PLCE1: variants seen among roughly 807,000 people sequenced by gnomAD.
PLCE1 encodes the protein 1-phosphatidylinositol 4,5-bisphosphate phosphodiesterase epsilon-1.
Under a neutral mutation model 242.8 loss-of-function variants are expected in PLCE1, and 119 were observed. That is an observed-to-expected ratio of 0.49 (90% CI 0.42 to 0.57). The LOEUF is 0.57. Among genes scored for constraint, PLCE1 ranks in the 20% least tolerant of loss-of-function variants. PLCE1 has a pLI of 0.00. For synonymous variants in PLCE1, 945 were observed against 1,017.4 expected (o/e 0.93, Z 1.35); for missense variants, 2,441 against 2,788.8 (o/e 0.88, Z 2.81).
chr10:94,138,382 TG>T (rs2046851455), intron 3 of PLCE1: 5 of 400,624 alleles, frequency 1.2e-5, no homozygotes, highest in African/African-American at 2.1e-5. Context: ...TCCCAGGAAC[TG>T]GGGACCTATG....
rs531313054 is a variant in PLCE1 at position 94,031,564 on chromosome 10, T to C, written c.518T>C (p.Ile173Thr). 18 of 1,612,444 alleles carry C rather than the reference T, an allele frequency of 1.1e-5. No homozygotes were observed. In the African/African-American group the frequency reaches 1.9e-4, roughly 17 times the overall value. Residue 173 changes from isoleucine to threonine, a missense_variant, in exon 2 of 33, where the codon ATA becomes ACA. Around this residue, in one of 5 missense-constraint regions of PLCE1, gnomAD observed 393 missense variants for 378.5 expected, o/e 1.04. Transcript: ENST00000371380. ...CCTTTAGGAAATCAGTCAGTGATCATAGAGACAGGCAGAGCACACCCTGAC... is the reference window on the plus strand; with the variant it reads ...CCTTTAGGAAATCAGTCAGTGATCACAGAGACAGGCAGAGCACACCCTGAC... ...ISPLGNQSVI[I>T]ETGRAHPDSR...
At chr10:94,226,420 G>A (rs1808071687) in intron 4 of PLCE1, among the ~76,000 whole-genome samples, 1 of 152,122 alleles carries the variant, frequency 6.6e-6, no homozygotes, top group African/African-American at 2.4e-5. Flanking sequence ...GACAGTAACA[G>A]TCCCTGACTC....
chr10:94,146,146 C>T (rs753963515), intron 3 of PLCE1, among the ~76,000 whole-genome samples: 2 of 152,112 alleles, frequency 1.3e-5, no homozygotes, highest in Non-Finnish European at 2.9e-5. Flanking sequence ...GACCAATAGC[C>T]TGGAGGCACC....
intron 9 of PLCE1, 137 bp from the exon 10 acceptor site, chr10:94,254,053 A>G (rs1209767664): frequency 1.3e-6 from 1 of 763,118 alleles, no homozygotes; most frequent in African/African-American, 1.7e-5. Flanking sequence ...GTCAGCCTTA[A>G]TGTAGGTCTT....
chr10:94,253,357 T>G (rs531103575), intron 9 of PLCE1, among the ~76,000 whole-genome samples: 7 of 151,184 alleles, frequency 4.6e-5, no homozygotes, highest in Non-Finnish European at 1.0e-4. Flanking sequence ...TGCCACACAC[T>G]TTTTTTTTCT....
intron 18 of PLCE1, among the ~76,000 whole-genome samples, chr10:94,270,950 G>A (rs560658427): frequency 4.6e-5 from 7 of 152,260 alleles, no homozygotes; most frequent in African/African-American, 9.6e-5. Context: ...GATTATAGGC[G>A]TGAGACACTG....
At chr10:94,301,481 A>G (rs1286624432) in intron 24 of PLCE1, among the ~76,000 whole-genome samples, 2 of 152,214 alleles carry the variant, frequency 1.3e-5, no homozygotes, top group Non-Finnish European at 2.9e-5. Context: ...TCCATGAAGC[A>G]TCCCAACTAA....
intron 14 of PLCE1, among the ~76,000 whole-genome samples, chr10:94,264,782 A>C (rs1410114248): frequency 6.6e-6 from 1 of 152,060 alleles, no homozygotes; most frequent in East Asian, 1.9e-4. Context: ...AGCCTCCCAA[A>C]GTGCTAGGAT....
At chr10:94,280,023 T>C (rs2052140104) in intron 20 of PLCE1, 112 bp downstream of exon 20, 2 of 1,110,940 alleles carry the variant, frequency 1.8e-6, no homozygotes, top group African/African-American at 1.5e-5. Flanking sequence ...CGGATGGTTG[T>C]AATATTGTCC....
rs373607890 is a variant in PLCE1, at chr10:94,227,463, G to T, written c.1955+12G>T. ...TTGGCTGGCCTCAGGTATAGTCAGT[G>T]GGGAATATGGTTATCTTGGCACAAT... On this transcript the variant is annotated intron_variant, in intron 5 of 32. Transcript: ENST00000371380. The T allele has an allele frequency of 1.2e-6, 2 of 1,611,818 alleles. No individual in the cohort carries two copies. The highest frequency in any genetic ancestry group is 1.7e-5 in the Admixed American group (1 of 59,998).
At chr10:94,226,284 G>C (rs912538636) in intron 4 of PLCE1, among the ~76,000 whole-genome samples, 1 of 152,180 alleles carries the variant, frequency 6.6e-6, no homozygotes, top group African/African-American at 2.4e-5. Context: ...GAACATTAGA[G>C]TTTGTGTAAA....
At chr10:94,021,262 T>G (rs2061372913) in intron 1 of PLCE1, among the ~76,000 whole-genome samples, 1 of 150,742 alleles carries the variant, frequency 6.6e-6, no homozygotes, top group Admixed American at 6.6e-5. Flanking sequence ...AGACCAGAAG[T>G]TTTAAATTTT....
chr10:94,307,101 G>T (rs374609668), intron 26 of PLCE1, among the ~76,000 whole-genome samples: 2 of 152,182 alleles, frequency 1.3e-5, no homozygotes, highest in Non-Finnish European at 2.9e-5. Context: ...GGAAGCTGGG[G>T]CTGGGTTTCA....
chr10:94,097,530 T>C (rs767167767), intron 2 of PLCE1, among the ~76,000 whole-genome samples: 8 of 152,188 alleles, frequency 5.3e-5, no homozygotes, highest in Non-Finnish European at 1.0e-4. Context: ...GCTTCCAGTC[T>C]AGCTGTGACC....
chr10:94,225,563 C>T (rs142660417), intron 4 of PLCE1, among the ~76,000 whole-genome samples: 1,741 of 152,052 alleles, frequency 0.011, 20 homozygotes, highest in African/African-American at 0.036. Flanking sequence ...CCCAGTTACT[C>T]GAGGTTGCAG....
intron 24 of PLCE1, among the ~76,000 whole-genome samples, chr10:94,303,004 T>C (rs369521361): frequency 1.1e-3 from 160 of 152,316 alleles, no homozygotes; most frequent in African/African-American, 3.2e-3. Context: ...TGAGGCAGCA[T>C]GGCCACAATG....
At chr10:94,138,732 A>G (rs1010456774) in intron 3 of PLCE1, 4 of 264,536 alleles carry the variant, frequency 1.5e-5, no homozygotes, top group Admixed American at 4.8e-5. Context: ...GAGATCCATA[A>G]TGAGCTCCCA....
At chr10:94,309,895 G>A (rs538486542) in intron 27 of PLCE1, among the ~76,000 whole-genome samples, 11 of 152,014 alleles carry the variant, frequency 7.2e-5, no homozygotes, top group African/African-American at 2.2e-4. Flanking sequence ...GCATAGTGTC[G>A]AGCACCTATA....
rs2054145648 is a variant in PLCE1, at chr10:94,330,410, T to A, written c.*2467T>A. The A allele has an allele frequency of 6.6e-6, 1 of 152,266 alleles. No individual in the cohort carries two copies. The allele number at this position is 152,266 out of a possible 1,614,324, so 9.4% of individuals were successfully genotyped here. On this transcript the variant is annotated 3_prime_UTR_variant, in exon 33 of 33. Coordinates refer to ENST00000371380, the MANE Select transcript of PLCE1 (RefSeq NM_016341.4). The stretch of plus-strand genomic sequence containing the variant: ...AATGTAAAGAGTTGGCTGGGCACAG[T>A]GGCTCATGCCTGTAATCCCAACACT...
Sources: gnomAD v4.1 joint callset for allele counts (sites outside exome capture counted in the v4.1 genomes callset) on GRCh38, gnomAD v4.1.1 for gene constraint, gnomAD v4.1.1 regional missense constraint, MANE v1.5 for transcripts, NCBI Gene and HGNC (gene_info 2026-07-23, HGNC 2026-07-21) for gene names.